Variants in OGG1 observed in about 807,000 individuals in gnomAD.
OGG1 encodes N-glycosylase/DNA lyase.
OGG1 carries 35 observed loss-of-function variants against 42.3 expected under a neutral mutation model. The ratio of observed to expected loss-of-function variants is 0.83; its 90% CI spans 0.63 to 1.10. OGG1 has a LOEUF of 1.10. OGG1 is among the 50% of genes least tolerant of loss of function. The pLI is 0.00. For synonymous variants in OGG1, 189 were observed against 179.0 expected, an observed-to-expected ratio of 1.06 and a Z score of -0.44; for missense variants, 484 against 446.7, an observed-to-expected ratio of 1.08 and a Z score of -0.75.
rs572024750 is a variant in OGG1 at position 9,754,720 on chromosome 3, T to A, written c.582T>A (p.Ala194=). 25 of 1,614,126 alleles carry A rather than the reference T, an allele frequency of 1.5e-5. No homozygotes were observed. The South Asian group carries it at 2.7e-4, about 18-fold the overall frequency. ...LQALAGPEVE[A]HLRKLGLGYR... ...TCCCCGCAGGGCCAGAGGTGGAGGCTCATCTCAGGAAGCTGGGCCTGGGCT... is the reference window on the plus strand; with the variant it reads ...TCCCCGCAGGGCCAGAGGTGGAGGCACATCTCAGGAAGCTGGGCCTGGGCT... Residue 194 remains alanine, a synonymous_variant, in exon 4 of 7, where the codon GCT becomes GCA. Coordinates refer to ENST00000344629, the MANE Select transcript of OGG1 (RefSeq NM_002542.6).
chr3:9,782,574 T>A (rs1328991429), intron 3 of OGG1, among the ~76,000 whole-genome samples: 1 of 152,172 alleles, frequency 6.6e-6, no homozygotes, highest in African/African-American at 2.4e-5. Context: ...AATCTGCAAG[T>A]CCCTTGCTCT....
At chr3:9,786,922 G>T in intron 3 of OGG1, 2 of 1,290,886 alleles carry the variant, frequency 1.5e-6, no homozygotes, top group Non-Finnish European at 2.2e-6. Context: ...CCTAATAAAT[G>T]TATGATAAAT....
At chr3:9,757,666 C>G, downstream of OGG1, 3 of 1,614,076 alleles carry the variant, frequency 1.9e-6, no homozygotes, top group Non-Finnish European at 2.5e-6. The surrounding 1 kb of genome is among the most constrained non-coding windows in gnomAD (Gnocchi z 4.5). Context: ...GGCAGGCCCT[C>G]CACTCCAGCC....
At chr3:9,776,388 C>CTTT (rs57504240) in intron 2 of OGG1, among the ~76,000 whole-genome samples, 47 of 121,110 alleles carry the variant, frequency 3.9e-4, no homozygotes, top group Admixed American at 1.9e-3. Context: ...TTTTTCTTTT[C>CTTT]TTTTTTTTTT....
downstream of OGG1, chr3:9,761,748 G>T (rs1553703907): frequency 1.2e-6 from 2 of 1,614,108 alleles, no homozygotes; most frequent in South Asian, 1.1e-5. Context: ...TAGTACAGCA[G>T]ATTCTCTGGC....
At chr3:9,776,684 C>T (rs1229730864) in intron 2 of OGG1, among the ~76,000 whole-genome samples, 4 of 152,164 alleles carry the variant, frequency 2.6e-5, no homozygotes, top group Non-Finnish European at 4.4e-5. Flanking sequence ...CCACCGTGCC[C>T]GGCCTGCAGT....
In OGG1 at chr3:9,787,501, T is replaced by A. The variant is rs1410650452; in HGVS notation, c.383-227T>A. 1,876 of 1,093,028 alleles carry A rather than the reference T, an allele frequency of 1.7e-3. 20 individuals are homozygous for A. The African/African-American group carries it at 0.027, about 16-fold the overall frequency. 67.7% of individuals were successfully genotyped at this position (1,093,028 alleles called of 1,614,324 possible). ...GAAAGTACAACGAAGATAAAACCTG[T>A]ACTTCACACTCTAGTAAGGGAGACA... is the stretch of plus-strand genomic sequence containing the variant. On this transcript the variant is annotated intron_variant, in intron 3 of 3. Coordinates refer to the OGG1 transcript ENST00000426518.
chr3:9,756,767 G>T lies in OGG1; in HGVS notation c.899G>T (p.Gly300Val). 6.2e-7 allele frequency: 1 copy of T among 1,614,136 alleles called. No homozygotes were observed. Among genetic ancestry groups the T allele is most frequent in the Non-Finnish European group, 8.5e-7 (1 of 1,180,012 alleles). The change falls in exon 6 of 7, where the codon GGA (glycine) becomes GTA (valine). Residue 300 changes from glycine to valine, a missense_variant and splice_region_variant. Gly to Val is a moderately radical substitution (Grantham distance 109). Transcript: ENST00000344629. ...GPSPQTNKEL[G>V]NFFRSLWGPY... ...CTTAGTCTCATCACTTCTGATTTAG[G>T]AAACTTTTTCCGGAGCCTGTGGGGA...
chr3:9,783,920 G>A, intron 3 of OGG1: 1 of 1,423,324 alleles, frequency 7.0e-7, no homozygotes, highest in Non-Finnish European at 9.2e-7. Context: ...AGGTGATTTA[G>A]AGGCCAGCCA....
At chr3:9,785,383 T>C (rs1335215877) in intron 3 of OGG1, 4 of 1,613,918 alleles carry the variant, frequency 2.5e-6, no homozygotes, top group African/African-American at 1.3e-5. Flanking sequence ...TTCCCAGACA[T>C]GTCAGGAATA....
chr3:9,781,623 C>A (rs1243354973), intron 3 of OGG1: 3 of 454,986 alleles, frequency 6.6e-6, no homozygotes, highest in East Asian at 7.0e-5. Context: ...CCAGATCAAT[C>A]TCTCTGAACA....
rs1413008057 is a variant in OGG1, at chr3:9,751,922, G to A, written c.538G>A (p.Gly180Ser). The A allele has an allele frequency of 6.2e-7, 1 of 1,614,134 alleles. No individual in the cohort carries two copies. The highest frequency in any genetic ancestry group is 1.1e-5 in the South Asian group (1 of 91,072). Residue 180 changes from glycine (G) to serine (S), a missense_variant, in exon 3 of 7, where the codon GGC (glycine) becomes AGC (serine). Gly to Ser is a moderately conservative substitution (Grantham distance 56, BLOSUM62 0). Coordinates refer to ENST00000344629, the MANE Select transcript of OGG1 (RefSeq NM_002542.6). ...LIQLDDVTYH[G>S]FPSLQALAGP... The stretch of plus-strand genomic sequence containing the variant: ...CCAGCTTGATGATGTCACCTACCAT[G>A]GCTTCCCCAGCCTGCAGGCCCTGGC...
At position 9,751,845 on chromosome 3, in the gene OGG1, G is replaced by A. The variant is rs56053615; in HGVS notation, c.461G>A (p.Arg154His). 516 of 1,614,100 alleles carry A rather than the reference G, an allele frequency of 3.2e-4. 2 individuals carry two copies. The highest frequency in any genetic ancestry group is 2.3e-3 in the East Asian group (105 of 44,890). Reference protein sequence around the residue: ...FICSSNNNIARITGMVERLCQ... With the variant: ...FICSSNNNIAHITGMVERLCQ... ...TGTTCCTCCAACAACAACATCGCCC[G>A]CATCACTGGCATGGTGGAGCGGCTG... The change falls in exon 3 of 7, where the codon CGC (arginine) becomes CAC (histidine). Residue 154 changes from arginine to histidine, a missense_variant. Coordinates refer to ENST00000344629, the MANE Select transcript of OGG1 (RefSeq NM_002542.6).
At chr3:9,781,333 C>T (rs999992400) in intron 2 of OGG1, among the ~76,000 whole-genome samples, 1 of 151,444 alleles carries the variant, frequency 6.6e-6, no homozygotes, top group African/African-American at 2.4e-5. Context: ...ACAGGCACAC[C>T]CACTCTCTCT....
chr3:9,761,609 C>T, downstream of OGG1: 1 of 1,614,040 alleles, frequency 6.2e-7, no homozygotes, highest in Non-Finnish European at 8.5e-7. Flanking sequence ...CCATCACAGC[C>T]CCAGCCCAGG....
At chr3:9,763,322 G>C (rs1475236567) in intron 7 of OGG1, 2 of 1,303,606 alleles carry the variant, frequency 1.5e-6, no homozygotes, top group African/African-American at 3.0e-5. Context: ...GGCCCCAGCA[G>C]TTCAAAGCTG....
intron 2 of OGG1, among the ~76,000 whole-genome samples, chr3:9,773,039 G>A (rs1016525153): frequency 2.0e-5 from 3 of 152,028 alleles, no homozygotes; most frequent in Non-Finnish European, 1.5e-5. Context: ...GACCAGCCTG[G>A]CCAACGTGGT....
At chr3:9,762,644 C>T (rs751862710) in intron 7 of OGG1, among the ~76,000 whole-genome samples, 86 of 151,704 alleles carry the variant, frequency 5.7e-4, no homozygotes, top group Non-Finnish European at 9.4e-4. Context: ...GGATTACAGG[C>T]GTGAGCCATC....
chr3:9,765,339 C>T (rs2078105039), intron 7 of OGG1, among the ~76,000 whole-genome samples: 2 of 151,998 alleles, frequency 1.3e-5, no homozygotes, highest in African/African-American at 2.4e-5. Flanking sequence ...TCAGCATGAG[C>T]AATTCATAGA....
Sources: gnomAD v4.1 joint callset for allele counts (sites outside exome capture counted in the v4.1 genomes callset) on GRCh38, gnomAD v4.1.1 for gene constraint, Gnocchi (gnomAD v3.1) non-coding constraint, MANE v1.5 for transcripts, NCBI Gene and HGNC (gene_info 2026-07-23, HGNC 2026-07-21) for gene names.